The following ZNF510 variants were observed in gnomAD, a reference collection of about 807,000 sequenced individuals.
ZNF510 encodes the protein zinc finger protein 510.
A neutral mutation model predicts 18.1 loss-of-function variants in ZNF510; 15 were observed. That is an observed-to-expected ratio of 0.83 (90% CI 0.55 to 1.28). The LOEUF (loss-of-function observed/expected upper bound fraction) is 1.28. ZNF510 is among the 50% of genes most tolerant of loss of function. The pLI, the probability that ZNF510 is intolerant of heterozygous loss-of-function variation, is 0.00. For missense variants in ZNF510, 724 were observed against 791.8 expected, an observed-to-expected ratio of 0.91 and a Z score of 1.03; for synonymous variants, 261 against 266.4, an observed-to-expected ratio of 0.98 and a Z score of 0.20.
intron 3 of ZNF510, 146 bp from the exon 4 acceptor site, chr9:96,763,778 G>A: frequency 2.4e-6 from 2 of 816,924 alleles, no homozygotes; most frequent in Non-Finnish European, 3.6e-6. Context: ...TTTAATCTTA[G>A]ACTTTGAAGG....
chr9:96,765,322 T>C (rs1269700505), intron 3 of ZNF510, among the ~76,000 whole-genome samples: 2 of 152,178 alleles, frequency 1.3e-5, no homozygotes, highest in Non-Finnish European at 2.9e-5. Context: ...CTTGCAGTTA[T>C]TTTGCAGTCA....
intron 5 of ZNF510, among the ~76,000 whole-genome samples, chr9:96,762,697 TTA>T (rs1249594769): frequency 1.3e-5 from 2 of 152,176 alleles, no homozygotes; most frequent in Non-Finnish European, 2.9e-5. Context: ...ACTTCATATA[TTA>T]TTTTGTGCTC....
chr9:96,759,483 A>G lies in ZNF510; in HGVS notation c.1347T>C (p.Thr449=), dbSNP rs1849285245. Residue 449 remains threonine (T), a synonymous_variant, in exon 6 of 6, where the codon ACT becomes ACC. Transcript: ENST00000223428. The part of the protein sequence containing the change: ...KTFSQKSHLS[T]HQRIHTAEKP... ...TTTCTGCTGTATGAATTCTCTGATGAGTACTGAGGTGTGACTTCTGGGAGA... is the reference window on the plus strand; with the variant it reads ...TTTCTGCTGTATGAATTCTCTGATGGGTACTGAGGTGTGACTTCTGGGAGA... The G allele has an allele frequency of 1.2e-6, 2 of 1,613,846 alleles. No homozygotes were observed. Among genetic ancestry groups the G allele is most frequent in the Non-Finnish European group, 1.7e-6 (2 of 1,179,966 alleles).
chr9:96,767,854 G>A (rs990130166), intron 3 of ZNF510, among the ~76,000 whole-genome samples: 6 of 152,226 alleles, frequency 3.9e-5, no homozygotes, highest in South Asian at 4.2e-4. Flanking sequence ...AATAGAAGAT[G>A]AGTGAACATT....
chr9:96,773,871 C>T (rs1180721869), intron 3 of ZNF510, among the ~76,000 whole-genome samples: 1 of 152,216 alleles, frequency 6.6e-6, no homozygotes, highest in Non-Finnish European at 1.5e-5. Flanking sequence ...CCACTGCACC[C>T]GGCCCCTGTT....
At position 96,760,401 on chromosome 9, in the gene ZNF510, G is replaced by C; in HGVS notation, c.429C>G (p.Ile143Met). Residue 143 changes from isoleucine to methionine, a missense_variant, in exon 6 of 6, where the codon ATC becomes ATG. By Grantham distance (10) the Ile-to-Met change is conservative. Coordinates refer to ENST00000223428, the MANE Select transcript of ZNF510 (RefSeq NM_014930.3). ...CCTCTGTAGTCAATGTTTTATTATT[G>C]ATACATATTGCTTGCTCCAAGTGTT... ...KDKHLEQAICINNKTLTTEEE... is the reference protein window; with the variant it reads ...KDKHLEQAICMNNKTLTTEEE... The C allele has an allele frequency of 6.2e-7, 1 of 1,613,430 alleles. No individual in the cohort carries two copies. Among genetic ancestry groups the C allele is most frequent in the Non-Finnish European group, 8.5e-7 (1 of 1,179,754 alleles).
intron 5 of ZNF510, among the ~76,000 whole-genome samples, chr9:96,761,439 T>C (rs1564435647): frequency 1.3e-5 from 2 of 152,182 alleles, no homozygotes; most frequent in Admixed American, 6.5e-5. Context: ...CATGAAACAA[T>C]ATATATCTGC....
chr9:96,765,454 T>C (rs1306905256), intron 3 of ZNF510, among the ~76,000 whole-genome samples: 1 of 152,148 alleles, frequency 6.6e-6, no homozygotes, highest in Non-Finnish European at 1.5e-5. Context: ...AAGTGTCCAC[T>C]TCTCAGTCTA....
chr9:96,755,151 T>G lies in ZNF510; in HGVS notation c.*3627A>C, dbSNP rs1451044251. Among the ~76,000 whole-genome samples, 2 of 152,176 alleles carry G rather than the reference T, an allele frequency of 1.3e-5. No homozygotes were observed. The highest frequency in any genetic ancestry group is 4.1e-4 in the South Asian group (2 of 4,824). ...AGTCATGGGGCTTTGCCACCTGGCC[T>G]CCCAATGACTCAGGCCACCTCGGTG... On this transcript the variant is annotated 3_prime_UTR_variant, in exon 6 of 6. Transcript: ENST00000223428.
intron 3 of ZNF510, among the ~76,000 whole-genome samples, chr9:96,771,363 AG>A (rs1311418176): frequency 6.6e-6 from 1 of 152,062 alleles, no homozygotes; most frequent in African/African-American, 2.4e-5. Context: ...AACAGACTAA[AG>A]GAATAAAATA....
In ZNF510 at chr9:96,759,908, G is replaced by A. The variant is rs774951118; in HGVS notation, c.922C>T (p.His308Tyr). 6 of 1,613,232 alleles carry A rather than the reference G, an allele frequency of 3.7e-6. No individual in the cohort carries two copies. In the South Asian group the frequency reaches 4.4e-5, roughly 12 times the overall value. Reference sequence around the variant, plus strand: ...TTCCCACATTGATTAAGATGCAGGTGTTTCTTCCCTGTGCCAGTTCTCCTG... The same window carrying A: ...TTCCCACATTGATTAAGATGCAGGTATTTCTTCCCTGTGCCAGTTCTCCTG... ...DHRRTGTGKK[H>Y]LHLNQCGKSF... Residue 308 changes from histidine (H) to tyrosine (Y), a missense_variant, in exon 6 of 6, where the codon CAC (histidine) becomes TAC (tyrosine). Coordinates refer to ENST00000223428, the MANE Select transcript of ZNF510 (RefSeq NM_014930.3).
chr9:96,766,227 T>C (rs1849468303), intron 3 of ZNF510, among the ~76,000 whole-genome samples: 1 of 152,158 alleles, frequency 6.6e-6, no homozygotes, highest in Non-Finnish European at 1.5e-5. Flanking sequence ...TTAGTGATTT[T>C]AATGTAACTC....
At chr9:96,770,365 G>A (rs534863074) in intron 3 of ZNF510, among the ~76,000 whole-genome samples, 18 of 151,838 alleles carry the variant, frequency 1.2e-4, no homozygotes, top group South Asian at 8.3e-4. Context: ...TGAGGTGGGC[G>A]GATCATCTGA....
At chr9:96,776,980 A>G (rs1044973913) in intron 1 of ZNF510, among the ~76,000 whole-genome samples, 4 of 152,218 alleles carry the variant, frequency 2.6e-5, no homozygotes, top group African/African-American at 9.6e-5. Context: ...TGTTGAAATA[A>G]CATTTTGGAT....
At chr9:96,775,057 G>T (rs1172620981) in intron 2 of ZNF510, among the ~76,000 whole-genome samples, 6 of 141,120 alleles carry the variant, frequency 4.3e-5, no homozygotes, top group Admixed American at 3.3e-4. Flanking sequence ...GTGTGTGTGT[G>T]TTTTTTTGTT....
At position 96,759,128 on chromosome 9, in the gene ZNF510, C is replaced by T. The variant is rs1165322239; in HGVS notation, c.1702G>A (p.Gly568Arg). ...TCGTTACATTTGAATGGTTTCTCTC[C>T]CGTGTGAGTTTTCTGATGTTGAATG... ...HLIQHQKTHTGEKPFKCNECG... is the reference protein window; with the variant it reads ...HLIQHQKTHTREKPFKCNECG... The change falls in exon 6 of 6, where the codon GGA (glycine) becomes AGA (arginine). Residue 568 changes from glycine to arginine, a missense_variant. Physicochemically the swap from Gly to Arg is moderately radical, Grantham distance 125. Transcript: ENST00000223428. 3 of 1,613,958 alleles carry T rather than the reference C, an allele frequency of 1.9e-6. No homozygotes were observed. In the East Asian group the frequency reaches 6.7e-5, roughly 36 times the overall value.
intron 3 of ZNF510, among the ~76,000 whole-genome samples, chr9:96,772,837 G>T (rs59501450): frequency 0.029 from 4,487 of 152,238 alleles, 242 homozygotes; most frequent in African/African-American, 0.1. Flanking sequence ...CTGAACATAT[G>T]TTTATTCTAT....
At chr9:96,762,561 G>A (rs1458063021) in intron 5 of ZNF510, among the ~76,000 whole-genome samples, 3 of 151,770 alleles carry the variant, frequency 2.0e-5, no homozygotes, top group African/African-American at 7.3e-5. Context: ...TACCACAGTG[G>A]TTTTACCAGT....
In ZNF510 at chr9:96,763,533, C is replaced by G; in HGVS notation, c.229G>C (p.Glu77Gln). 1 of 1,609,694 alleles carries G rather than the reference C, an allele frequency of 6.2e-7. No individual in the cohort carries two copies. The highest frequency in any genetic ancestry group is 1.1e-5 in the South Asian group (1 of 89,994). Residue 77 changes from glutamate to glutamine, a missense_variant, in exon 4 of 6, where the codon GAG becomes CAG. By Grantham distance (29) the Glu-to-Gln change is conservative. Transcript: ENST00000223428. ...QKNLYRDVML[E>Q]NYSNLVSVGY... The stretch of plus-strand genomic sequence containing the variant: ...ACTGAGACGAGGTTGCTGTAGTTCT[C>G]CAGCATCACATCTCTGTACAGATTC...
Sources: allele counts gnomAD v4.1 joint callset (sites outside exome capture counted in the v4.1 genomes callset), GRCh38; gene constraint gnomAD v4.1.1; transcripts MANE v1.5; gene names NCBI Gene and HGNC (gene_info 2026-07-23, HGNC 2026-07-21).